Variants in DLGAP2 observed in about 807,000 individuals in gnomAD.
DLGAP2 encodes disks large-associated protein 2.
A neutral mutation model predicts 100.3 loss-of-function variants in DLGAP2; 26 were observed. That is an observed-to-expected ratio of 0.26 (90% CI 0.19 to 0.36). The LOEUF (loss-of-function observed/expected upper bound fraction) is 0.36. Ranked by LOEUF, DLGAP2 falls within the 10% of genes least tolerant of loss-of-function variation. DLGAP2 has a pLI of 1.00. For synonymous variants in DLGAP2, 886 were observed against 630.1 expected (o/e 1.41, Z -6.08); for missense variants, 1,858 against 1,453.2 (o/e 1.28, Z -4.53).
intron 3 of DLGAP2, among the ~76,000 whole-genome samples, chr8:1,329,630 G>C (rs1474353566): frequency 6.6e-6 from 1 of 152,158 alleles, no homozygotes; most frequent in Non-Finnish European, 1.5e-5. Flanking sequence ...TAGCCGAGGG[G>C]AATGAACATG....
chr8:1,598,781 G>C (rs1796536131), intron 6 of DLGAP2, among the ~76,000 whole-genome samples: 1 of 151,974 alleles, frequency 6.6e-6, no homozygotes, highest in Admixed American at 6.6e-5. Flanking sequence ...CTGGGTAGTG[G>C]TCTATCTATT....
intron 1 of DLGAP2, among the ~76,000 whole-genome samples, chr8:787,242 C>T (rs142376975): frequency 3.3e-5 from 5 of 152,060 alleles, no homozygotes. Flanking sequence ...CGCTCGTGTT[C>T]GAACGTTAGT....
At chr8:1,099,596 C>T (rs1230235784) in intron 2 of DLGAP2, among the ~76,000 whole-genome samples, 3 of 152,140 alleles carry the variant, frequency 2.0e-5, no homozygotes, top group African/African-American at 7.2e-5. Context: ...GAAAAGTGTT[C>T]GGATGTGTTT....
At chr8:1,147,439 G>A (rs1313985221) in intron 2 of DLGAP2, among the ~76,000 whole-genome samples, 2 of 151,636 alleles carry the variant, frequency 1.3e-5, no homozygotes, top group East Asian at 3.9e-4. Context: ...TAAGTTGTCT[G>A]CAAATGCCAG....
At chr8:1,207,245 C>G (rs1563253722) in intron 2 of DLGAP2, among the ~76,000 whole-genome samples, 1 of 152,198 alleles carries the variant, frequency 6.6e-6, no homozygotes, top group African/African-American at 2.4e-5. Context: ...CCATCCTTCC[C>G]CGAGTCCCCA....
At chr8:1,678,065 C>T (rs1798850434) in intron 11 of DLGAP2, 149 bp from the exon 12 acceptor site, 3 of 822,860 alleles carry the variant, frequency 3.6e-6, no homozygotes, top group East Asian at 5.3e-5. Context: ...AGACAAAACA[C>T]CAGCATATTT....
At chr8:1,344,175 C>T (rs1387206279) in intron 3 of DLGAP2, among the ~76,000 whole-genome samples, 5 of 151,236 alleles carry the variant, frequency 3.3e-5, no homozygotes, top group African/African-American at 9.7e-5. Context: ...GTACTCGGGG[C>T]GCTGTCGTGG....
chr8:1,260,553 G>C lies in DLGAP2; in HGVS notation c.106+1670G>C, dbSNP rs182259481. Among the ~76,000 whole-genome samples the C allele has an allele frequency of 1.3e-3, 193 of 152,190 alleles. 1 individual carries two copies. The highest frequency in any genetic ancestry group is 2.2e-3 in the Non-Finnish European group (151 of 68,002). On this transcript the variant is annotated intron_variant, in intron 3 of 14. Coordinates refer to ENST00000637795, the MANE Select transcript of DLGAP2 (RefSeq NM_001346810.2). ...ATGTTTGGAGGCGAGGGTTTGGACT[G>C]AATGAAGGCTGGTAAATCACCCCGG...
intron 2 of DLGAP2, among the ~76,000 whole-genome samples, chr8:998,020 CAAACATGCAT>C (rs1305607142): frequency 1.3e-5 from 2 of 151,476 alleles, no homozygotes; most frequent in African/African-American, 4.8e-5. Context: ...GACATGCACA[CAAACATGCAT>C]AAACATGTGC....
intron 3 of DLGAP2, among the ~76,000 whole-genome samples, chr8:1,293,156 CCT>C (rs1178693135): frequency 6.6e-6 from 1 of 152,046 alleles, no homozygotes; most frequent in Non-Finnish European, 1.5e-5. Flanking sequence ...CCTGTCTCCC[CCT>C]CTCTCTCTGT....
rs548265084 is a variant in DLGAP2 at position 1,220,386 on chromosome 8, G to T, written c.74-38465G>T. 3.3e-5 allele frequency among the ~76,000 whole-genome samples: 5 copies of T among 152,216 alleles called. No individual in the cohort carries two copies. The East Asian group carries it at 9.6e-4, about 29-fold the overall frequency. ...CCCAAAAGTAATTCAAGAGGAAGCT[G>T]TTTAATTTCCATGATATTGTATGAT... On this transcript the variant is annotated intron_variant, in intron 2 of 14. Coordinates refer to ENST00000637795, the MANE Select transcript of DLGAP2 (RefSeq NM_001346810.2).
chr8:1,157,758 G>C (rs565818638), intron 2 of DLGAP2, among the ~76,000 whole-genome samples: 3 of 152,360 alleles, frequency 2.0e-5, no homozygotes, highest in Non-Finnish European at 4.4e-5. Context: ...TATGCGTGGA[G>C]CTTCGTCATT....
intron 2 of DLGAP2, among the ~76,000 whole-genome samples, chr8:1,241,227 C>T (rs1381870278): frequency 4.4e-3 from 553 of 126,674 alleles, no homozygotes; most frequent in African/African-American, 0.017. Flanking sequence ...TCACATGGCG[C>T]CGTGTCTAGT....
intron 3 of DLGAP2, among the ~76,000 whole-genome samples, chr8:1,451,653 A>C (rs945335822): frequency 6.6e-6 from 1 of 151,118 alleles, no homozygotes; most frequent in Non-Finnish European, 1.5e-5. Flanking sequence ...TTCCCTCCCC[A>C]CATCGAAAAC....
At chr8:1,570,086 C>G (rs1000298600) in intron 6 of DLGAP2, among the ~76,000 whole-genome samples, 2 of 152,216 alleles carry the variant, frequency 1.3e-5, no homozygotes, top group South Asian at 4.1e-4. Context: ...AACAAGGGCA[C>G]GCTGAGCTGT....
chr8:780,847 T>C (rs1264840691), intron 1 of DLGAP2, among the ~76,000 whole-genome samples: 1 of 152,210 alleles, frequency 6.6e-6, no homozygotes, highest in African/African-American at 2.4e-5. Context: ...CACCCCCTTT[T>C]TATTCCTTTT....
chr8:776,316 A>G (rs1181534286), intron 1 of DLGAP2, among the ~76,000 whole-genome samples: 5 of 151,870 alleles, frequency 3.3e-5, no homozygotes, highest in Admixed American at 6.6e-5. Flanking sequence ...TGGATTCATT[A>G]ATTTTTTGAA....
At chr8:815,155 C>T (rs1011808919) in intron 1 of DLGAP2, among the ~76,000 whole-genome samples, 5 of 152,202 alleles carry the variant, frequency 3.3e-5, no homozygotes, top group African/African-American at 1.2e-4. Context: ...TCTTTATAAA[C>T]AGCAGGAGTT....
At chr8:1,510,004 C>T (rs764645959) in intron 4 of DLGAP2, among the ~76,000 whole-genome samples, 110 of 152,216 alleles carry the variant, frequency 7.2e-4, no homozygotes, top group Non-Finnish European at 3.4e-4. Flanking sequence ...GTTTCCCGAA[C>T]ATGATTTCCA....
Sources: gnomAD v4.1 joint callset for allele counts (sites outside exome capture counted in the v4.1 genomes callset) on GRCh38, gnomAD v4.1.1 for gene constraint, MANE v1.5 for transcripts, NCBI Gene and HGNC (gene_info 2026-07-23, HGNC 2026-07-21) for gene names.